The following CLIP1 variants were observed in gnomAD, a reference collection of about 807,000 sequenced individuals.
CLIP1 encodes CAP-Gly domain containing linker protein 1.
A neutral mutation model predicts 161.6 loss-of-function variants in CLIP1; 66 were observed. That is an observed-to-expected ratio of 0.41 (90% CI 0.33 to 0.50). The LOEUF (loss-of-function observed/expected upper bound fraction) is 0.50. CLIP1 is among the 20% of genes least tolerant of loss of function. The pLI is 0.27. For missense variants in CLIP1, 1,376 were observed against 1,702.0 expected, an observed-to-expected ratio of 0.81 and a Z score of 3.37; for synonymous variants, 598 against 626.2, an observed-to-expected ratio of 0.96 and a Z score of 0.67.
rs752401372 is a variant in CLIP1 at position 122,274,094 on chromosome 12, C to G, written c.4035G>C (p.Glu1345Asp). The change falls in exon 25 of 26, where the codon GAG becomes GAC. Residue 1345 changes from glutamate to aspartate, a missense_variant. By Grantham distance (45) the Glu-to-Asp change is conservative. Transcript: ENST00000620786. ...CATTCAGGGCTGCTTCTGACATCAT[C>G]TCCACCTTCATCTTGAGGTCTTGAT... ...RKNQDLKMKV[E>D]MMSEAALNGN... The G allele has an allele frequency of 1.2e-6, 2 of 1,613,578 alleles. No individual in the cohort carries two copies. Among genetic ancestry groups the G allele is most frequent in the Admixed American group, 3.3e-5 (2 of 60,004 alleles).
At chr12:122,367,155 T>C (rs576641128) in intron 3 of CLIP1, among the ~76,000 whole-genome samples, 4 of 152,300 alleles carry the variant, frequency 2.6e-5, no homozygotes, top group South Asian at 2.1e-4. Context: ...TAATAGGCTA[T>C]AGTCAACAAT....
Position 122,302,920 on chromosome 12 carries a change from C to T in CLIP1, c.3594+6842G>A, listed in dbSNP as rs148334283. Reference sequence around the variant, plus strand: ...CCTAAATATAGATACATTTTTGAGACAGGGTCTTGCTATGTTGCCCAGGCT... The same window carrying T: ...CCTAAATATAGATACATTTTTGAGATAGGGTCTTGCTATGTTGCCCAGGCT... On this transcript the variant is annotated intron_variant, in intron 20 of 25. Transcript: ENST00000620786. 6.1e-3 allele frequency among the ~76,000 whole-genome samples: 926 copies of T among 152,114 alleles called. 15 individuals are homozygous for T. Among genetic ancestry groups the T allele is most frequent in the African/African-American group, 0.021 (880 of 41,488 alleles).
intron 1 of CLIP1, among the ~76,000 whole-genome samples, chr12:122,406,912 C>A: frequency 6.8e-6 from 1 of 147,026 alleles, no homozygotes. Flanking sequence ...AAGAGCCTCC[C>A]AATGTTCCTC....
chr12:122,401,122 G>A (rs1458971790), intron 1 of CLIP1, among the ~76,000 whole-genome samples: 4 of 152,130 alleles, frequency 2.6e-5, no homozygotes, highest in African/African-American at 9.7e-5. Context: ...TGTTGGTCAG[G>A]CTGGTCTCGA....
Position 122,327,915 on chromosome 12 carries a change from A to G in CLIP1, c.3249+32T>C, listed in dbSNP as rs377696993. 9 of 1,604,930 alleles carry G rather than the reference A, an allele frequency of 5.6e-6. No individual in the cohort carries two copies. In the African/African-American group the frequency reaches 1.2e-4, roughly 21 times the overall value. On this transcript the variant is annotated intron_variant, in intron 17 of 25. Transcript: ENST00000620786. ...CCTCGACACAGAGCTCAGGCAAGCTACAACACAAGGAAATTCTCTCGCGTC... is the reference window on the plus strand; with the variant it reads ...CCTCGACACAGAGCTCAGGCAAGCTGCAACACAAGGAAATTCTCTCGCGTC...
intron 1 of CLIP1, among the ~76,000 whole-genome samples, chr12:122,421,874 C>G (rs961212247): frequency 6.6e-6 from 1 of 152,248 alleles, no homozygotes; most frequent in Non-Finnish European, 1.5e-5. Context: ...AATCCCCTGC[C>G]GCGGTAGAAG....
intron 20 of CLIP1, among the ~76,000 whole-genome samples, chr12:122,301,783 C>G (rs1950690056): frequency 6.6e-6 from 1 of 152,220 alleles, no homozygotes; most frequent in Non-Finnish European, 1.5e-5. Flanking sequence ...CTTGTGTCCG[C>G]TTCTCTTTTG....
chr12:122,339,232 G>A (rs1952379658), intron 11 of CLIP1, among the ~76,000 whole-genome samples: 1 of 152,180 alleles, frequency 6.6e-6, no homozygotes, highest in Non-Finnish European at 1.5e-5. Context: ...GACAGATCAT[G>A]TTCTCATTAT....
chr12:122,276,460 G>C (rs1566066748), intron 24 of CLIP1: 3 of 1,288,820 alleles, frequency 2.3e-6, no homozygotes, highest in Non-Finnish European at 3.0e-6. Context: ...TGGAAGAAAA[G>C]TGTTGTCAGC....
intron 21 of CLIP1, among the ~76,000 whole-genome samples, chr12:122,287,041 G>A (rs961166624): frequency 6.6e-5 from 10 of 151,856 alleles, no homozygotes; most frequent in East Asian, 1.9e-4. Context: ...GTGTGATCAC[G>A]CATGCCTGTA....
intron 25 of CLIP1, among the ~76,000 whole-genome samples, chr12:122,273,343 A>C (rs1392359416): frequency 2.0e-5 from 3 of 152,062 alleles, no homozygotes; most frequent in Non-Finnish European, 2.9e-5. Context: ...TCCACCTCCT[A>C]GGTGAAAGCA....
intron 3 of CLIP1, among the ~76,000 whole-genome samples, chr12:122,370,376 T>C: frequency 6.6e-6 from 1 of 152,084 alleles, no homozygotes; most frequent in East Asian, 1.9e-4. Flanking sequence ...TGGTCTTCGT[T>C]GGTGCCATAT....
At chr12:122,344,120 G>A (rs1350022166) in intron 10 of CLIP1, 1 of 152,136 alleles carries the variant, frequency 6.6e-6, no homozygotes, top group Non-Finnish European at 1.5e-5. Context: ...CTTTGAGACA[G>A]AAAATAACAG....
intron 19 of CLIP1, 33 bp from the exon 20 acceptor site, chr12:122,309,915 A>C: frequency 6.2e-7 from 1 of 1,610,864 alleles, no homozygotes; most frequent in Non-Finnish European, 8.5e-7. Flanking sequence ...GTTACCATAG[A>C]AACAAGACAG....
intron 1 of CLIP1, among the ~76,000 whole-genome samples, chr12:122,386,901 G>T (rs74445077): frequency 6.6e-6 from 1 of 151,552 alleles, no homozygotes; most frequent in Non-Finnish European, 1.5e-5. Context: ...TCGTGACTTG[G>T]TTTTTTTAAG....
At chr12:122,302,935 T>A (rs533732480) in intron 20 of CLIP1, among the ~76,000 whole-genome samples, 1 of 152,156 alleles carries the variant, frequency 6.6e-6, no homozygotes, top group Non-Finnish European at 1.5e-5. Flanking sequence ...TCTTGCTATG[T>A]TGCCCAGGCT....
At chr12:122,328,580 GTTTTGT>G (rs1566122741) in intron 15 of CLIP1, among the ~76,000 whole-genome samples, 154 bp from the exon 16 acceptor site, 1 of 137,372 alleles carries the variant, frequency 7.3e-6, no homozygotes, top group Admixed American at 6.8e-5. Flanking sequence ...GTTTTGTTTT[GTTTTGT>G]TTTGTTTTGT....
intron 14 of CLIP1, among the ~76,000 whole-genome samples, chr12:122,333,664 G>A (rs758876823): frequency 2.6e-5 from 4 of 152,188 alleles, no homozygotes; most frequent in African/African-American, 4.8e-5. Flanking sequence ...ATCTGACTTC[G>A]TATTAAAAGG....
chr12:122,347,849 C>A (rs1418767200), intron 9 of CLIP1, among the ~76,000 whole-genome samples: 1 of 152,106 alleles, frequency 6.6e-6, no homozygotes, highest in Non-Finnish European at 1.5e-5. Context: ...TATCCCTCCG[C>A]CCCACAAAGG....
Sources: gnomAD v4.1 joint callset for allele counts (sites outside exome capture counted in the v4.1 genomes callset) on GRCh38, gnomAD v4.1.1 for gene constraint, MANE v1.5 for transcripts, NCBI Gene and HGNC (gene_info 2026-07-23, HGNC 2026-07-21) for gene names.